Variants in NUP42 observed in about 807,000 individuals in gnomAD.
NUP42 encodes the protein nucleoporin 42, also known as nucleoporin NUP42.
Under a neutral mutation model 35.9 loss-of-function variants are expected in NUP42, and 47 were observed. The observed-to-expected ratio is 1.31, with a 90% CI of 1.04 to 1.67. The LOEUF is 1.67. Among genes scored for constraint, NUP42 ranks in the 40% most tolerant of loss-of-function variants. The pLI, the probability that NUP42 is intolerant of heterozygous loss-of-function variation, is 0.00. For synonymous variants in NUP42, 173 were observed against 173.3 expected (o/e 1.00, Z 0.01); for missense variants, 514 against 492.2 (o/e 1.04, Z -0.42).
intron 3 of NUP42, chr7:23,188,011 TTA>T (rs763657930): frequency 1.8e-4 from 202 of 1,093,938 alleles, no homozygotes; most frequent in African/African-American, 1.0e-3. Flanking sequence ...TTTTTTATTT[TTA>T]TTTTTTTTTT....
chr7:23,198,581 G>C (rs1011533156), intron 5 of NUP42, among the ~76,000 whole-genome samples: 13 of 152,200 alleles, frequency 8.5e-5, no homozygotes, highest in Admixed American at 7.9e-4. Flanking sequence ...AAGTCTTCTT[G>C]AAAGGAAGGA....
chr7:23,190,677 A>G (rs956361776), intron 3 of NUP42, among the ~76,000 whole-genome samples: 1 of 152,202 alleles, frequency 6.6e-6, no homozygotes, highest in Non-Finnish European at 1.5e-5. Flanking sequence ...ACTTTTGTCA[A>G]TTTTGGCTTT....
chr7:23,194,558 G>C (rs185188075), intron 3 of NUP42: 3 of 152,982 alleles, frequency 2.0e-5, no homozygotes, highest in African/African-American at 7.2e-5. Flanking sequence ...ACAGGGTTTC[G>C]CCGTGTTGGC....
chr7:23,185,317 G>C lies in NUP42; in HGVS notation c.350+19G>C. On this transcript the variant is annotated intron_variant, in intron 2 of 6. Coordinates refer to ENST00000258742, the MANE Select transcript of NUP42 (RefSeq NM_007342.3). ...AACTTCTGTAAGTGAAAGTTTTCAG[G>C]AAAATTACTATCCATTTGCTTATGT... The C allele has an allele frequency of 6.6e-7, 1 of 1,525,048 alleles. No homozygotes were observed. 94.5% of individuals were successfully genotyped at this position (1,525,048 alleles called of 1,614,324 possible).
intron 3 of NUP42, chr7:23,188,076 C>A: frequency 7.0e-7 from 1 of 1,438,772 alleles, no homozygotes. Flanking sequence ...ACCGGGCTTT[C>A]CCAAGCCCAC....
At position 23,195,828 on chromosome 7, in the gene NUP42, C is replaced by T; in HGVS notation, c.446-11C>T. The T allele has an allele frequency of 6.4e-7, 1 of 1,566,692 alleles. No individual in the cohort carries two copies. The highest frequency in any genetic ancestry group is 1.4e-5 in the African/African-American group (1 of 73,500). On this transcript the variant is annotated splice_polypyrimidine_tract_variant and intron_variant, in intron 3 of 6. Transcript: ENST00000258742. The stretch of plus-strand genomic sequence containing the variant: ...TTTATTTTAAAGATTCCGATTGATT[C>T]CTCACTTCAGGTTTTACAGACATTT...
At chr7:23,196,031 G>A (rs1439899352) in intron 4 of NUP42, 116 bp downstream of exon 4, 2 of 452,682 alleles carry the variant, frequency 4.4e-6, no homozygotes, top group Non-Finnish European at 7.7e-6. Context: ...TTTTTCAGGA[G>A]TAGGCTATTT....
intron 3 of NUP42, chr7:23,194,825 A>G (rs912228274): frequency 4.5e-5 from 7 of 154,286 alleles, no homozygotes; most frequent in African/African-American, 1.7e-4. Context: ...AGTAGCTGGG[A>G]TTACAGGCTC....
intron 3 of NUP42, among the ~76,000 whole-genome samples, chr7:23,188,812 C>G (rs1785691373): frequency 6.6e-6 from 1 of 152,118 alleles, no homozygotes. Context: ...CCATTTTTCA[C>G]TGTGTTGACA....
intron 3 of NUP42, among the ~76,000 whole-genome samples, chr7:23,191,647 T>G (rs1785796546): frequency 6.6e-6 from 1 of 152,240 alleles, no homozygotes; most frequent in African/African-American, 2.4e-5. Flanking sequence ...GAAAATATCT[T>G]GAACATTTTT....
intron 3 of NUP42, 69 bp downstream of exon 3, chr7:23,187,215 C>A: frequency 2.8e-6 from 3 of 1,073,786 alleles, no homozygotes; most frequent in Non-Finnish European, 2.8e-6. Context: ...AAAAGAATGC[C>A]AAATAAAGAA....
intron 4 of NUP42, chr7:23,196,381 A>G (rs1314077074): frequency 6.8e-6 from 2 of 296,222 alleles, no homozygotes; most frequent in Non-Finnish European, 1.2e-5. Context: ...TTCTACAGTC[A>G]TGATCATGCA....
At chr7:23,187,739 T>C (rs1256667220) in intron 3 of NUP42, among the ~76,000 whole-genome samples, 3 of 151,312 alleles carry the variant, frequency 2.0e-5, no homozygotes, top group Non-Finnish European at 4.4e-5. Flanking sequence ...CCCGAGTAGC[T>C]GGGATTACAG....
chr7:23,187,410 A>T (rs1785630166), intron 3 of NUP42: 1 of 266,430 alleles, frequency 3.8e-6, no homozygotes, highest in South Asian at 7.3e-5. Flanking sequence ...GATTCCCTGT[A>T]TGTACAACTT....
In NUP42 at chr7:23,185,315, A is replaced by G; in HGVS notation, c.350+17A>G. ...GAAACTTCTGTAAGTGAAAGTTTTC[A>G]GGAAAATTACTATCCATTTGCTTAT... On this transcript the variant is annotated intron_variant, in intron 2 of 6. Coordinates refer to ENST00000258742, the MANE Select transcript of NUP42 (RefSeq NM_007342.3). 2 of 1,557,482 alleles carry G rather than the reference A, an allele frequency of 1.3e-6. No individual in the cohort carries two copies. Among genetic ancestry groups the G allele is most frequent in the Non-Finnish European group, 1.8e-6 (2 of 1,135,442 alleles).
chr7:23,191,794 T>C (rs1785801612), intron 3 of NUP42, among the ~76,000 whole-genome samples: 1 of 151,940 alleles, frequency 6.6e-6, no homozygotes. Flanking sequence ...GAGACCAACC[T>C]GGGCAACTTG....
intron 3 of NUP42, among the ~76,000 whole-genome samples, chr7:23,190,944 A>G (rs892235432): frequency 5.3e-5 from 8 of 152,192 alleles, no homozygotes; most frequent in African/African-American, 1.9e-4. Flanking sequence ...CAATTAGGGG[A>G]ACAATATTTC....
chr7:23,192,546 CAA>C (rs200047613), intron 3 of NUP42, among the ~76,000 whole-genome samples: 7 of 65,292 alleles, frequency 1.1e-4, no homozygotes, highest in Non-Finnish European at 1.4e-4. Flanking sequence ...GACTTCATCT[CAA>C]AAAAAAAAAA....
At chr7:23,192,262 C>T (rs190226523) in intron 3 of NUP42, among the ~76,000 whole-genome samples, 3 of 151,868 alleles carry the variant, frequency 2.0e-5, no homozygotes, top group African/African-American at 7.2e-5. Context: ...AAAATCATAA[C>T]GGATCAGGCG....
Sources: allele counts gnomAD v4.1 joint callset (sites outside exome capture counted in the v4.1 genomes callset), GRCh38; gene constraint gnomAD v4.1.1; transcripts MANE v1.5; gene names NCBI Gene and HGNC (gene_info 2026-07-23, HGNC 2026-07-21).